ZEB1: variants seen among roughly 807,000 people sequenced by gnomAD.
ZEB1 encodes zinc finger E-box binding homeobox 1.
ZEB1 carries 21 observed loss-of-function variants against 84.9 expected under a neutral mutation model. That is an observed-to-expected ratio of 0.25 (90% CI 0.18 to 0.36). ZEB1 has a LOEUF of 0.36. Among genes scored for constraint, ZEB1 ranks in the 10% least tolerant of loss-of-function variants. ZEB1 has a pLI of 1.00. For synonymous variants in ZEB1, 420 were observed against 471.1 expected (o/e 0.89, Z 1.41); for missense variants, 1,104 against 1,330.2 (o/e 0.83, Z 2.65).
chr10:31,379,620 G>A (rs1403956392), intron 1 of ZEB1, among the ~76,000 whole-genome samples: 2 of 151,634 alleles, frequency 1.3e-5, no homozygotes, highest in Admixed American at 6.6e-5. Flanking sequence ...TGTACTGCTC[G>A]TGAATGTTCG....
At chr10:31,406,136 A>G (rs1225046334) in intron 1 of ZEB1, among the ~76,000 whole-genome samples, 1 of 152,214 alleles carries the variant, frequency 6.6e-6, no homozygotes, top group Non-Finnish European at 1.5e-5. Context: ...TATTGTGAAC[A>G]GTGCTGCAGT....
chr10:31,447,025 C>G (rs1208813352), intron 1 of ZEB1, among the ~76,000 whole-genome samples: 1 of 149,960 alleles, frequency 6.7e-6, no homozygotes, highest in African/African-American at 2.4e-5. Flanking sequence ...GTTAAAGTCT[C>G]CCATTATTAA....
At chr10:31,444,158 G>T (rs2059439344) in intron 1 of ZEB1, among the ~76,000 whole-genome samples, 3 of 150,032 alleles carry the variant, frequency 2.0e-5, no homozygotes, top group Admixed American at 1.3e-4. Flanking sequence ...TTTCTCTGAT[G>T]GCTAGTGATG....
chr10:31,353,673 G>C (rs1477111485), intron 1 of ZEB1, among the ~76,000 whole-genome samples: 1 of 152,182 alleles, frequency 6.6e-6, no homozygotes, highest in East Asian at 1.9e-4. Context: ...TCTAAAGAAG[G>C]AATAGAGATA....
At chr10:31,343,256 T>C (rs182007462) in intron 1 of ZEB1, among the ~76,000 whole-genome samples, 1 of 152,252 alleles carries the variant, frequency 6.6e-6, no homozygotes, top group East Asian at 1.9e-4. Flanking sequence ...AAGTTAATCA[T>C]TTTTAGAATG....
intron 1 of ZEB1, among the ~76,000 whole-genome samples, chr10:31,329,648 A>G (rs1049901462): frequency 4.6e-5 from 7 of 152,176 alleles, no homozygotes; most frequent in Non-Finnish European, 1.0e-4. Flanking sequence ...ACTGCTTGTA[A>G]CAAACATTTT....
At chr10:31,391,228 A>C (rs1367992051) in intron 1 of ZEB1, among the ~76,000 whole-genome samples, 1 of 88,176 alleles carries the variant, frequency 1.1e-5, no homozygotes, top group African/African-American at 4.1e-5. Context: ...ACCACAGGTA[A>C]GTTTGTGTGT....
At chr10:31,482,153 AATAAGAC>A (rs1327641155) in intron 2 of ZEB1, among the ~76,000 whole-genome samples, 1 of 152,082 alleles carries the variant, frequency 6.6e-6, no homozygotes, top group African/African-American at 2.4e-5. Flanking sequence ...TATCACCAGT[AATAAGAC>A]ATAGTGACAT....
At chr10:31,412,587 A>G (rs573762506) in intron 1 of ZEB1, among the ~76,000 whole-genome samples, 2 of 152,192 alleles carry the variant, frequency 1.3e-5, no homozygotes, top group Admixed American at 6.5e-5. Context: ...GAGGACGTCA[A>G]TTCATCCTTT....
intron 7 of ZEB1, among the ~76,000 whole-genome samples, chr10:31,522,520 A>G (rs536736810): frequency 6.6e-6 from 1 of 152,326 alleles, no homozygotes; most frequent in Admixed American, 6.5e-5. Context: ...GTGGCTGTGA[A>G]CCTAAAAATA....
intron 2 of ZEB1, among the ~76,000 whole-genome samples, chr10:31,468,974 C>G (rs1268389756): frequency 6.6e-6 from 1 of 152,058 alleles, no homozygotes; most frequent in Non-Finnish European, 1.5e-5. Flanking sequence ...AAGATATGGA[C>G]TGTTAAGAAG....
At chr10:31,401,930 G>A (rs552114028) in intron 1 of ZEB1, among the ~76,000 whole-genome samples, 51 of 151,882 alleles carry the variant, frequency 3.4e-4, no homozygotes, top group Non-Finnish European at 6.3e-4. Context: ...TGGAGGACAG[G>A]TTTCTTCCAA....
At position 31,483,742 on chromosome 10, in the gene ZEB1, C is replaced by T. The variant is rs180815808; in HGVS notation, c.260-12034C>T. ...GCAGATTGCTGTTATCTTCATTCTT[C>T]TCTCTGTTCTATAAATATTTAACCA... On this transcript the variant is annotated intron_variant, in intron 2 of 8. Transcript: ENST00000424869. Among the ~76,000 whole-genome samples the T allele has an allele frequency of 9.1e-3, 1,388 of 152,048 alleles. 13 individuals are homozygous for T. The highest frequency in any genetic ancestry group is 0.031 in the African/African-American group (1,298 of 41,518).
At chr10:31,489,584 G>T (rs2066224331) in intron 2 of ZEB1, among the ~76,000 whole-genome samples, 1 of 151,050 alleles carries the variant, frequency 6.6e-6, no homozygotes, top group Middle Eastern at 3.4e-3. Context: ...TGGATCATTT[G>T]AATATTTTTT....
chr10:31,386,173 ATTC>A (rs1458549036), intron 1 of ZEB1, among the ~76,000 whole-genome samples: 2 of 151,772 alleles, frequency 1.3e-5, no homozygotes, highest in South Asian at 2.1e-4. Flanking sequence ...CTGTATTAAT[ATTC>A]TTCTTCTGAT....
chr10:31,354,540 C>G (rs978737921), intron 1 of ZEB1, among the ~76,000 whole-genome samples: 7 of 152,146 alleles, frequency 4.6e-5, no homozygotes, highest in African/African-American at 1.7e-4. Flanking sequence ...AAATGCTGCT[C>G]TTCCTGATCT....
intron 1 of ZEB1, among the ~76,000 whole-genome samples, chr10:31,390,459 T>C (rs2049426414): frequency 6.6e-6 from 1 of 152,194 alleles, no homozygotes; most frequent in Non-Finnish European, 1.5e-5. Flanking sequence ...TATTTAAACA[T>C]TTTACATCTA....
chr10:31,386,319 G>T, intron 1 of ZEB1, among the ~76,000 whole-genome samples: 1 of 151,304 alleles, frequency 6.6e-6, no homozygotes, highest in East Asian at 1.9e-4. Flanking sequence ...TTAGGATATG[G>T]CATCTTAAAA....
At chr10:31,371,286 C>G (rs1396547327) in intron 1 of ZEB1, among the ~76,000 whole-genome samples, 2 of 152,136 alleles carry the variant, frequency 1.3e-5, no homozygotes, top group East Asian at 3.9e-4. Context: ...TTGAAATGAG[C>G]AATTTAGAAT....
Sources: gnomAD v4.1 joint callset for allele counts (sites outside exome capture counted in the v4.1 genomes callset) on GRCh38, gnomAD v4.1.1 for gene constraint, MANE v1.5 for transcripts, NCBI Gene and HGNC (gene_info 2026-07-23, HGNC 2026-07-21) for gene names.